Variants in TPO observed in about 807,000 individuals in gnomAD.
The protein encoded by TPO is thyroid microsomal antigen.
A neutral mutation model predicts 96.9 loss-of-function variants in TPO; 78 were observed. The ratio of observed to expected loss-of-function variants is 0.81; its 90% CI spans 0.67 to 0.97. TPO has a LOEUF of 0.97. Among genes scored for constraint, TPO ranks in the 50% least tolerant of loss-of-function variants. The probability of loss-of-function intolerance (pLI) is 0.00; values close to 1 mark genes in which losing one functional copy is unlikely to be tolerated. For synonymous variants in TPO, 547 were observed against 538.0 expected (o/e 1.02, Z -0.23); for missense variants, 1,252 against 1,274.8 (o/e 0.98, Z 0.27).
intron 8 of TPO, chr2:1,478,373 C>T (rs1573355226): frequency 1.0e-6 from 1 of 985,446 alleles, no homozygotes. Context: ...GCCTGGGCAT[C>T]GTGTCTGCAG....
At chr2:1,535,720 ACCCAGTGTGTGCAACCTCCCCAAATCCC>A (rs1679485982) in intron 15 of TPO, among the ~76,000 whole-genome samples, 1 of 11,292 alleles carries the variant, frequency 8.9e-5, no homozygotes, top group Non-Finnish European at 1.7e-4. Flanking sequence ...CCCGAAATCC[ACCCAGTGTGTGCAACCTCCCCAAATCCC>A]CCCACTCTGT....
chr2:1,477,680 G>A (rs1016370056), intron 8 of TPO, 76 bp downstream of exon 8: 1 of 1,414,166 alleles, frequency 7.1e-7, no homozygotes, highest in Middle Eastern at 2.6e-4. Context: ...GCGCAGCATC[G>A]TGGCTTCTCT....
In TPO at chr2:1,487,892, A is replaced by C; in HGVS notation, c.1669A>C (p.Asn557His). The C allele has an allele frequency of 6.2e-7, 1 of 1,614,222 alleles. No homozygotes were observed. Among genetic ancestry groups the C allele is most frequent in the Non-Finnish European group, 8.5e-7 (1 of 1,180,038 alleles). The change falls in exon 10 of 17, where the codon AAC becomes CAC. Residue 557 changes from asparagine (N) to histidine (H), a missense_variant. Physicochemically the swap from Asn to His is moderately conservative, Grantham distance 68 (BLOSUM62 1). Coordinates refer to ENST00000329066, the MANE Select transcript of TPO (RefSeq NM_001206744.2). ...ACTGCAGGTGCAGGATCAGCTGATG[A>C]ACGAGGAGCTGACGGAAAGGCTCTT... ...AKLQVQDQLMNEELTERLFVL... is the reference protein window; with the variant it reads ...AKLQVQDQLMHEELTERLFVL...
chr2:1,494,126 T>C, intron 11 of TPO, 87 bp downstream of exon 11: 1 of 1,314,320 alleles, frequency 7.6e-7, no homozygotes, highest in Non-Finnish European at 1.1e-6. Flanking sequence ...AGACCTGCAT[T>C]CACATTCCGG....
chr2:1,532,420 C>T (rs1437657837), intron 15 of TPO, among the ~76,000 whole-genome samples: 2 of 126,024 alleles, frequency 1.6e-5, no homozygotes, highest in Admixed American at 1.6e-4. Flanking sequence ...CTCCCCAAAT[C>T]CCCCCACTGT....
intron 15 of TPO, among the ~76,000 whole-genome samples, chr2:1,538,026 C>CCTCA (rs1680253219): frequency 9.8e-6 from 1 of 101,538 alleles, no homozygotes; most frequent in African/African-American, 4.4e-5. Context: ...TGTGCCACCT[C>CCTCA]AAGTCCCCCC....
intron 13 of TPO, among the ~76,000 whole-genome samples, chr2:1,501,382 G>C (rs943737586): frequency 1.4e-4 from 22 of 152,282 alleles, no homozygotes; most frequent in Middle Eastern, 6.8e-3. Context: ...TTCCTCCTCT[G>C]TCGGGAGCGC....
chr2:1,539,382 G>A (rs1217054357), intron 15 of TPO, among the ~76,000 whole-genome samples: 3 of 152,122 alleles, frequency 2.0e-5, no homozygotes, highest in African/African-American at 2.4e-5. Context: ...AAACTCAAGC[G>A]ACACCCCAGC....
In TPO at chr2:1,459,058, A is replaced by G. The variant is rs751479718; in HGVS notation, c.819+2776A>G. On this transcript the variant is annotated intron_variant, in intron 7 of 16. Coordinates refer to ENST00000329066, the MANE Select transcript of TPO (RefSeq NM_001206744.2). ...AATTACTCTCCATTAATATTGCACA[A>G]ATGTTCACTCTTACCAGAAAAGAAA... Among the ~76,000 whole-genome samples the G allele has an allele frequency of 1.8e-4, 27 of 152,282 alleles. No individual in the cohort carries two copies. In the Middle Eastern group the frequency reaches 0.02, roughly 115 times the overall value.
At chr2:1,530,430 C>T (rs1677825464) in intron 15 of TPO, among the ~76,000 whole-genome samples, 2 of 148,806 alleles carry the variant, frequency 1.3e-5, no homozygotes, top group Admixed American at 6.7e-5. Context: ...TCCAAATCCC[C>T]ACCACTGTGT....
chr2:1,508,536 G>A (rs1673726647), intron 14 of TPO, among the ~76,000 whole-genome samples: 1 of 152,158 alleles, frequency 6.6e-6, no homozygotes, highest in Non-Finnish European at 1.5e-5. Flanking sequence ...TGGTTGGTAA[G>A]CTATTGATTA....
chr2:1,459,045 T>C (rs1325781216), intron 7 of TPO, among the ~76,000 whole-genome samples: 1 of 152,154 alleles, frequency 6.6e-6, no homozygotes, highest in African/African-American at 2.4e-5. Flanking sequence ...TTACTCTCCA[T>C]TAATATTGCA....
At chr2:1,459,325 T>C (rs2148609478) in intron 7 of TPO, among the ~76,000 whole-genome samples, 1 of 152,198 alleles carries the variant, frequency 6.6e-6, no homozygotes, top group South Asian at 2.1e-4. Flanking sequence ...CTAATTTTTG[T>C]ATTTTTAGTA....
chr2:1,480,733 A>ACCTTCCTCC (rs1558338674), intron 8 of TPO, among the ~76,000 whole-genome samples: 5 of 122,706 alleles, frequency 4.1e-5, no homozygotes, highest in African/African-American at 5.6e-5. Context: ...CGTCCAAACC[A>ACCTTCCTCC]TGTTTCTCCT....
At chr2:1,445,926 C>T (rs996065159) in intron 5 of TPO, among the ~76,000 whole-genome samples, 17 of 137,266 alleles carry the variant, frequency 1.2e-4, no homozygotes, top group Admixed American at 5.7e-4. Context: ...TGTATGATCC[C>T]GTCATTGCTG....
At chr2:1,502,160 G>A (rs542083859) in intron 13 of TPO, among the ~76,000 whole-genome samples, 13 of 152,092 alleles carry the variant, frequency 8.5e-5, no homozygotes, top group Non-Finnish European at 1.8e-4. Context: ...TACCCCAGAG[G>A]CGGCTGCAGA....
In TPO at chr2:1,498,646, G is replaced by GC. The variant is rs199545361; in HGVS notation, c.2386+1885dup. On this transcript the variant is annotated intron_variant, in intron 13 of 16. Coordinates refer to ENST00000329066, the MANE Select transcript of TPO (RefSeq NM_001206744.2). ...AAGGAGATCACCCAGAGATTACAGT[G>GC]CCCCAGAGAACAGCAGACCAGGATG... 8.1e-3 allele frequency among the ~76,000 whole-genome samples: 1,240 copies of GC among 152,308 alleles called. 11 individuals are homozygous for GC. The highest frequency in any genetic ancestry group is 0.027 in the Middle Eastern group (8 of 294).
chr2:1,496,647 TGAG>T lies in TPO; in HGVS notation c.2272_2274del (p.Glu758del). The stretch of plus-strand genomic sequence containing the variant: ...TGGAGAATGGGGACTTTGTGCACTG[TGAG>T]GAGTCTGGGAGGCGCGTGCTGGTGT... On this transcript the variant is annotated inframe_deletion, in exon 13 of 17. Coordinates refer to ENST00000329066, the MANE Select transcript of TPO (RefSeq NM_001206744.2). The T allele has an allele frequency of 6.2e-7, 1 of 1,613,936 alleles. No homozygotes were observed. Among genetic ancestry groups the T allele is most frequent in the Non-Finnish European group, 8.5e-7 (1 of 1,179,992 alleles).
At chr2:1,502,761 T>G (rs896156365) in intron 13 of TPO, among the ~76,000 whole-genome samples, 34 of 152,366 alleles carry the variant, frequency 2.2e-4, no homozygotes, top group Admixed American at 1.5e-3. Flanking sequence ...TTAGAAAGCC[T>G]GAGATATCCC....
Sources: allele counts gnomAD v4.1 joint callset (sites outside exome capture counted in the v4.1 genomes callset), GRCh38; gene constraint gnomAD v4.1.1; transcripts MANE v1.5; gene names NCBI Gene and HGNC (gene_info 2026-07-23, HGNC 2026-07-21).